Variants in CNTN4 observed in about 807,000 individuals in gnomAD.
CNTN4 encodes the protein contactin-4.
In CNTN4, 77 loss-of-function variants were observed where a neutral mutation model predicts 122.5. That is an observed-to-expected ratio of 0.63 (90% CI 0.52 to 0.76). The LOEUF (loss-of-function observed/expected upper bound fraction) is 0.76, where lower values mean the gene tolerates loss of function less well. CNTN4 is among the 30% of genes least tolerant of loss of function. The pLI is 0.00. For synonymous variants in CNTN4, 512 were observed against 447.0 expected (o/e 1.15, Z -1.83); for missense variants, 1,256 against 1,259.1 (o/e 1.00, Z 0.04).
At chr3:2,457,046 G>A (rs1002915477) in intron 3 of CNTN4, among the ~76,000 whole-genome samples, 2 of 151,982 alleles carry the variant, frequency 1.3e-5, no homozygotes, top group Non-Finnish European at 1.5e-5. Flanking sequence ...ATTGGGTCAC[G>A]CTGAGATTAA....
chr3:2,524,871 T>A (rs894436483), intron 3 of CNTN4, among the ~76,000 whole-genome samples: 6 of 152,150 alleles, frequency 3.9e-5, no homozygotes, highest in Non-Finnish European at 7.4e-5. Context: ...AAAAAAAGTT[T>A]AATAGAATAC....
chr3:2,811,604 A>G (rs972631925), intron 6 of CNTN4, among the ~76,000 whole-genome samples: 8 of 150,590 alleles, frequency 5.3e-5, no homozygotes, highest in Middle Eastern at 3.4e-3. Flanking sequence ...GGGACTACAT[A>G]TGTGCCCGAC....
chr3:2,674,786 A>C (rs796760851), intron 4 of CNTN4, among the ~76,000 whole-genome samples: 164 of 152,190 alleles, frequency 1.1e-3, no homozygotes, highest in South Asian at 2.3e-3. Context: ...AAAACAAAAA[A>C]AAAAAAAACC....
intron 8 of CNTN4, among the ~76,000 whole-genome samples, chr3:2,877,063 T>C (rs2093852869): frequency 6.6e-6 from 1 of 152,196 alleles, no homozygotes; most frequent in Non-Finnish European, 1.5e-5. Context: ...ACCATTGTTT[T>C]AGGAAAAATA....
intron 2 of CNTN4, among the ~76,000 whole-genome samples, chr3:2,270,765 C>T (rs1208182189): frequency 5.3e-5 from 8 of 152,052 alleles, no homozygotes; most frequent in African/African-American, 1.9e-4. Flanking sequence ...AATTACATTC[C>T]TTTGGAGGGT....
chr3:2,874,922 G>A (rs1347057921), intron 8 of CNTN4, among the ~76,000 whole-genome samples: 1 of 152,052 alleles, frequency 6.6e-6, no homozygotes, highest in African/African-American at 2.4e-5. Context: ...GGTATTCTTG[G>A]CTAATTCCTA....
intron 3 of CNTN4, among the ~76,000 whole-genome samples, chr3:2,449,061 T>C (rs537804804): frequency 4.6e-5 from 7 of 152,292 alleles, no homozygotes; most frequent in Non-Finnish European, 7.4e-5. Context: ...ATATTACTTA[T>C]ATAACTGTTT....
At chr3:2,321,773 T>G (rs11712667) in intron 2 of CNTN4, among the ~76,000 whole-genome samples, 18,764 of 152,126 alleles carry the variant, frequency 0.12, 1,404 homozygotes, top group Non-Finnish European at 0.17. Context: ...GAATCCTTTA[T>G]GTCCAGTTCT....
At chr3:2,690,709 A>T (rs1317298672) in intron 4 of CNTN4, among the ~76,000 whole-genome samples, 1 of 152,196 alleles carries the variant, frequency 6.6e-6, no homozygotes, top group Admixed American at 6.5e-5. Flanking sequence ...TGTACAGCAC[A>T]TGGACTAAGA....
At chr3:2,344,844 T>A (rs1274931075) in intron 3 of CNTN4, among the ~76,000 whole-genome samples, 2 of 152,246 alleles carry the variant, frequency 1.3e-5, no homozygotes, top group African/African-American at 4.8e-5. Context: ...TATTAGGCTA[T>A]CACATTAGAT....
chr3:2,875,904 A>T (rs2093838786), intron 8 of CNTN4, among the ~76,000 whole-genome samples: 1 of 152,200 alleles, frequency 6.6e-6, no homozygotes, highest in South Asian at 2.1e-4. Flanking sequence ...CAAACTGGAA[A>T]CTATTAGCTC....
At chr3:2,990,003 G>T (rs1316564010) in intron 14 of CNTN4, among the ~76,000 whole-genome samples, 1 of 152,210 alleles carries the variant, frequency 6.6e-6, no homozygotes. Context: ...ATCTGGATTT[G>T]AGTCTCATTT....
intron 2 of CNTN4, among the ~76,000 whole-genome samples, chr3:2,157,597 A>G (rs2035780026): frequency 6.6e-6 from 1 of 152,204 alleles, no homozygotes; most frequent in East Asian, 1.9e-4. Flanking sequence ...CAAGGTATTT[A>G]AGATATGAAT....
chr3:3,032,593 C>G (rs1699264514), intron 16 of CNTN4, among the ~76,000 whole-genome samples: 1 of 152,178 alleles, frequency 6.6e-6, no homozygotes, highest in African/African-American at 2.4e-5. Flanking sequence ...ATTTCACCAC[C>G]CTGAAAGACA....
At chr3:2,149,976 T>C (rs2035422799) in intron 2 of CNTN4, among the ~76,000 whole-genome samples, 1 of 151,438 alleles carries the variant, frequency 6.6e-6, no homozygotes, top group Non-Finnish European at 1.5e-5. Context: ...GCTTTTTTTT[T>C]TTTTTCTGTA....
chr3:2,144,070 C>T (rs2035129696), intron 2 of CNTN4: 1 of 152,188 alleles, frequency 6.6e-6, no homozygotes, highest in Non-Finnish European at 1.5e-5. Context: ...GAGCAAAGCT[C>T]CATCCCTTTC....
At chr3:2,160,290 C>T (rs2035902364) in intron 2 of CNTN4, among the ~76,000 whole-genome samples, 1 of 152,020 alleles carries the variant, frequency 6.6e-6, no homozygotes, top group Non-Finnish European at 1.5e-5. Context: ...CAATTGTGAA[C>T]TAAATAGGAG....
intron 3 of CNTN4, among the ~76,000 whole-genome samples, chr3:2,490,198 C>T (rs1322393549): frequency 2.6e-5 from 4 of 152,190 alleles, no homozygotes; most frequent in Admixed American, 6.5e-5. Context: ...GCACCAGGGG[C>T]TTTTCCCCTT....
At chr3:2,934,620 G>T in intron 13 of CNTN4, among the ~76,000 whole-genome samples, 1 of 152,212 alleles carries the variant, frequency 6.6e-6, no homozygotes, top group Admixed American at 6.5e-5. Context: ...TCTCTGTTCT[G>T]GAGGCAGAGT....
Sources: allele counts gnomAD v4.1 joint callset (sites outside exome capture counted in the v4.1 genomes callset), GRCh38; gene constraint gnomAD v4.1.1; transcripts MANE v1.5; gene names NCBI Gene and HGNC (gene_info 2026-07-23, HGNC 2026-07-21).